The following RGPD1 variants were observed in gnomAD, a reference collection of about 807,000 sequenced individuals.
The protein encoded by RGPD1 is RANBP2 like and GRIP domain containing 1.
RGPD1 carries 7 observed loss-of-function variants against 40.6 expected under a neutral mutation model. The ratio of observed to expected loss-of-function variants is 0.17; its 90% CI spans 0.10 to 0.32. The LOEUF is 0.32. Ranked by LOEUF, RGPD1 falls within the 10% of genes least tolerant of loss-of-function variation. The probability of loss-of-function intolerance (pLI) is 1.00; values close to 1 mark genes in which losing one functional copy is unlikely to be tolerated. For synonymous variants in RGPD1, 24 were observed against 167.0 expected, an observed-to-expected ratio of 0.14 and a Z score of 6.60; for missense variants, 50 against 472.5, an observed-to-expected ratio of 0.11 and a Z score of 8.29.
At chr2:86,943,201 C>T (rs1026697369) in intron 1 of RGPD1, among the ~76,000 whole-genome samples, 20 of 150,076 alleles carry the variant, frequency 1.3e-4, no homozygotes, top group African/African-American at 4.9e-4. Context: ...GGGAAGTCCC[C>T]TTGTTTTGAG....
rs1177725433 is a variant in RGPD1, at chr2:86,936,024, A to G, written c.73-15272A>G. Among the ~76,000 whole-genome samples the G allele has an allele frequency of 2.3e-5, 3 of 129,584 alleles. 1 individual carries two copies. Among genetic ancestry groups the G allele is most frequent in the African/African-American group, 8.1e-5 (3 of 37,084 alleles). 85.0% of individuals were successfully genotyped at this position (129,584 alleles called of 152,430 possible). A position where few individuals can be genotyped will look rare whatever the true frequency, so the allele number is the denominator to read the frequency against. ...TTGGAAAAAAAATTTTTTTTTTTTG[A>G]GATGGAGTCTCGTTCTATCACCCAG... On this transcript the variant is annotated intron_variant, in intron 1 of 22. Coordinates refer to the RGPD1 transcript ENST00000398193.
At chr2:86,944,789 C>T (rs1298829462) in intron 1 of RGPD1, among the ~76,000 whole-genome samples, 4 of 152,028 alleles carry the variant, frequency 2.6e-5, no homozygotes, top group East Asian at 1.9e-4. Flanking sequence ...CTCACTGCAG[C>T]GTTGACGTCC....
chr2:86,918,445 C>T (rs1304449810), intron 1 of RGPD1, among the ~76,000 whole-genome samples: 1 of 137,520 alleles, frequency 7.3e-6, no homozygotes, highest in Non-Finnish European at 1.5e-5. Flanking sequence ...TAGCCTTGCA[C>T]ACCAAATCTT....
At chr2:86,931,431 T>C (rs1360803282) in intron 1 of RGPD1, among the ~76,000 whole-genome samples, 5 of 150,806 alleles carry the variant, frequency 3.3e-5, no homozygotes, top group Non-Finnish European at 5.9e-5. Context: ...GACATTCTTA[T>C]TCCCAGTATC....
chr2:86,942,466 C>CCGGCTTCGACCTGGCCGGGCGGCGGCGG (rs1459456004), intron 1 of RGPD1, among the ~76,000 whole-genome samples, 158 bp downstream of exon 1: 1 of 53,614 alleles, frequency 1.9e-5, no homozygotes, highest in Non-Finnish European at 4.5e-5. Context: ...TGTTGAGGCG[C>CCGGCTTCGACCTGGCCGGGCGGCGGCGG]CGGCCTCGAC....
intron 1 of RGPD1, 63 bp downstream of exon 1, chr2:86,942,371 G>A (rs1573606470): frequency 6.9e-6 from 10 of 1,442,652 alleles, no homozygotes; most frequent in East Asian, 3.2e-5. Flanking sequence ...CGACCTGGCC[G>A]GGCGGCGGCC....
intron 1 of RGPD1, among the ~76,000 whole-genome samples, chr2:86,925,259 T>TTTTTA (rs1202527676): frequency 5.3e-5 from 8 of 151,704 alleles, no homozygotes; most frequent in South Asian, 2.1e-4. Flanking sequence ...ATGTATCAGT[T>TTTTTA]TTTTATTTTA....
At chr2:86,918,680 C>G (rs1219243480) in intron 1 of RGPD1, among the ~76,000 whole-genome samples, 3 of 146,878 alleles carry the variant, frequency 2.0e-5, no homozygotes, top group Non-Finnish European at 4.5e-5. Context: ...AGGATGGTCT[C>G]GATCTCCTGA....
Position 86,918,453 on chromosome 2 carries a change from CTTTTTTTTTTT to C in RGPD1, c.72+4546_72+4556del, listed in dbSNP as rs1160123598. On this transcript the variant is annotated intron_variant, in intron 1 of 22. Coordinates refer to the RGPD1 transcript ENST00000398193. Reference sequence around the variant, plus strand: ...TATGTTTTAGCCTTGCACACCAAATCTTTTTTTTTTTTTTTTTTTTTTTTGAGACAGAATGT... The same window carrying C: ...TATGTTTTAGCCTTGCACACCAAATCTTTTTTTTTTTTTGAGACAGAATGT... 1.7e-3 allele frequency among the ~76,000 whole-genome samples: 129 copies of C among 78,094 alleles called. 3 individuals carry two copies. The highest frequency in any genetic ancestry group is 3.7e-3 in the African/African-American group (63 of 17,058). 51.2% of individuals were successfully genotyped at this position (78,094 alleles called of 152,430 possible). A position where few individuals can be genotyped will look rare whatever the true frequency, so the allele number is the denominator to read the frequency against.
At chr2:86,937,145 G>A (rs1437677654), upstream of RGPD1, among the ~76,000 whole-genome samples, 20 of 114,806 alleles carry the variant, frequency 1.7e-4, no homozygotes, top group African/African-American at 5.4e-4. Context: ...TTTATTTTTC[G>A]TTCCATTGCA....
chr2:86,944,161 A>C (rs575301424), intron 1 of RGPD1, among the ~76,000 whole-genome samples: 1 of 152,304 alleles, frequency 6.6e-6, no homozygotes, highest in South Asian at 2.1e-4. Flanking sequence ...GTAGAGATTT[A>C]AGATACTTGT....
intron 1 of RGPD1, among the ~76,000 whole-genome samples, chr2:86,942,617 C>T (rs1489652086): frequency 7.5e-6 from 1 of 133,602 alleles, no homozygotes; most frequent in South Asian, 2.4e-4. Flanking sequence ...GGGCGCTGCT[C>T]CCTGGCGCGC....
At chr2:86,930,142 G>GA (rs1448694632) in intron 1 of RGPD1, 6 of 1,488,550 alleles carry the variant, frequency 4.0e-6, no homozygotes, top group Non-Finnish European at 5.5e-6. Flanking sequence ...GCAGGAGGGG[G>GA]GTGTGGGGGC....
At chr2:86,937,322 G>A (rs999808424), upstream of RGPD1, among the ~76,000 whole-genome samples, 2 of 151,652 alleles carry the variant, frequency 1.3e-5, no homozygotes, top group Non-Finnish European at 2.9e-5. Context: ...TGACCAGGAG[G>A]TCAGATCTCA....
intron 1 of RGPD1, among the ~76,000 whole-genome samples, chr2:86,918,720 A>C (rs1240499745): frequency 7.0e-6 from 1 of 143,500 alleles, no homozygotes; most frequent in Non-Finnish European, 1.5e-5. Flanking sequence ...CAGCCTCCCA[A>C]AGTGCTGGGA....
intron 1 of RGPD1, among the ~76,000 whole-genome samples, chr2:86,928,434 G>T (rs974187460): frequency 7.2e-5 from 11 of 152,162 alleles, no homozygotes; most frequent in Non-Finnish European, 1.3e-4. Flanking sequence ...AGTGACCTGG[G>T]AGCTAATGGG....
chr2:86,941,289 T>C (rs556832270), upstream of RGPD1, among the ~76,000 whole-genome samples: 1 of 149,160 alleles, frequency 6.7e-6, no homozygotes, highest in East Asian at 2.0e-4. Context: ...ATTTGGAAAA[T>C]ACAGACGGCT....
upstream of RGPD1, among the ~76,000 whole-genome samples, chr2:86,941,818 C>T (rs1247195525): frequency 2.0e-5 from 3 of 150,872 alleles, no homozygotes; most frequent in African/African-American, 7.4e-5. Flanking sequence ...TCAAGCGATT[C>T]TCGTGCCTCA....
chr2:86,914,569 GCGGCCT>G (rs1163896281), intron 1 of RGPD1, among the ~76,000 whole-genome samples: 2 of 35,902 alleles, frequency 5.6e-5, no homozygotes, highest in African/African-American at 1.5e-4. Context: ...GGCGGCGGCG[GCGGCCT>G]CGGCCTCGGC....
Sources: allele counts gnomAD v4.1 joint callset (sites outside exome capture counted in the v4.1 genomes callset), GRCh38; gene constraint gnomAD v4.1.1; transcripts MANE v1.5; gene names NCBI Gene and HGNC (gene_info 2026-07-23, HGNC 2026-07-21).